CRYAB: variants seen among roughly 807,000 people sequenced by gnomAD.
CRYAB encodes the protein alpha-crystallin B chain.
CRYAB carries 9 observed loss-of-function variants against 12.7 expected under a neutral mutation model. The ratio of observed to expected loss-of-function variants is 0.71; its 90% confidence interval spans 0.43 to 1.24. The LOEUF is 1.24. Among genes scored for constraint, CRYAB ranks in the 50% most tolerant of loss-of-function variants. The pLI is 0.00. For synonymous variants in CRYAB, 93 were observed against 86.8 expected (o/e 1.07, Z -0.40); for missense variants, 183 against 226.6 (o/e 0.81, Z 1.24).
Position 111,908,696 on chromosome 11 carries a change from T to A in CRYAB, c.*68A>T, listed in dbSNP as rs955156505. The stretch of plus-strand genomic sequence containing the variant: ...TAGCATTAATAAGCTTCAGCACTAG[T>A]CACAAGACTTTCATTCACTGGTGGG... On this transcript the variant is annotated 3_prime_UTR_variant, in exon 3 of 3. Transcript: ENST00000650687. 96 of 1,512,376 alleles carry A rather than the reference T, an allele frequency of 6.3e-5. No individual in the cohort carries two copies. In the Admixed American group the frequency reaches 1.6e-3, roughly 25 times the overall value. 93.7% of individuals were successfully genotyped at this position (1,512,376 alleles called of 1,614,324 possible). A position where few individuals can be genotyped will look rare whatever the true frequency, so the allele number is the denominator to read the frequency against.
intron 2 of CRYAB, chr11:111,910,005 GC>G: frequency 1.6e-6 from 1 of 612,224 alleles, no homozygotes. Flanking sequence ...TCTGGAGTAT[GC>G]CCGAGCATTA....
chr11:111,910,875 C>T (rs188986241), intron 1 of CRYAB: 39 of 296,162 alleles, frequency 1.3e-4, no homozygotes, highest in Non-Finnish European at 2.3e-4. Flanking sequence ...CCTTCCAAAG[C>T]CCTTGCCCAC....
At chr11:111,912,111 C>T (rs548739673), upstream of CRYAB, 17 of 263,970 alleles carry the variant, frequency 6.4e-5, no homozygotes, top group Non-Finnish European at 1.3e-4. Context: ...GTGTGCCCCT[C>T]CTCCTCCTTT....
intron 1 of CRYAB, among the ~76,000 whole-genome samples, chr11:111,922,981 C>A (rs1965724530): frequency 6.6e-6 from 1 of 152,164 alleles, no homozygotes; most frequent in South Asian, 2.1e-4. Flanking sequence ...ATACTCACTC[C>A]ATTTGGGTTG....
upstream of CRYAB, among the ~76,000 whole-genome samples, chr11:111,917,612 G>A (rs1426513573): frequency 1.3e-5 from 2 of 149,908 alleles, no homozygotes; most frequent in Non-Finnish European, 3.0e-5. Flanking sequence ...AGACCAGCCT[G>A]GTCCACATAA....
upstream of CRYAB, among the ~76,000 whole-genome samples, chr11:111,915,164 G>T (rs1965578801): frequency 6.6e-6 from 1 of 152,186 alleles, no homozygotes; most frequent in Non-Finnish European, 1.5e-5. Flanking sequence ...AGCTATAGCT[G>T]CTCTTACCAG....
In CRYAB at chr11:111,911,646, A is replaced by T. The variant is rs1555165583; in HGVS notation, c.79T>A (p.Phe27Ile). 6.2e-7 allele frequency: 1 copy of T among 1,611,344 alleles called. No homozygotes were observed. The highest frequency in any genetic ancestry group is 2.2e-5 in the East Asian group (1 of 44,818). Reference sequence around the variant, plus strand: ...GACTCCAACAGGTGCTCTCCGAAGAACTGGTCAAAGAGGCGGCTGGGGGAG... The same window carrying T: ...GACTCCAACAGGTGCTCTCCGAAGATCTGGTCAAAGAGGCGGCTGGGGGAG... ...FHSPSRLFDQFFGEHLLESDL... is the reference protein window; with the variant it reads ...FHSPSRLFDQIFGEHLLESDL... Residue 27 changes from phenylalanine (F) to isoleucine (I), a missense_variant, in exon 1 of 3, where the codon TTC becomes ATC. Phe to Ile is a conservative substitution (Grantham distance 21). This residue lies in a region of CRYAB where 86 missense variants were observed against 96.1 expected (regional missense o/e 0.89). Transcript: ENST00000650687.
chr11:111,918,714 G>C (rs1555166263), intron 1 of CRYAB: 7 of 683,832 alleles, frequency 1.0e-5, no homozygotes, highest in Admixed American at 8.0e-5. Context: ...CAAGTTCATG[G>C]CTTCATCAAA....
intron 2 of CRYAB, 92 bp from the exon 3 acceptor site, chr11:111,909,059 G>A: frequency 2.3e-6 from 3 of 1,296,980 alleles, no homozygotes; most frequent in South Asian, 2.5e-5. Context: ...TTCCCCTTAG[G>A]TGAGACCAAA....
upstream of CRYAB, chr11:111,911,973 G>T: frequency 5.9e-6 from 3 of 509,916 alleles, no homozygotes; most frequent in Non-Finnish European, 1.1e-5. Flanking sequence ...GACTTGTCAT[G>T]GTCTTGTTTC....
upstream of CRYAB, chr11:111,913,043 A>AC (rs1376343824): frequency 3.0e-5 from 20 of 677,130 alleles, no homozygotes; most frequent in East Asian, 2.6e-4. Flanking sequence ...GGGACCAGCC[A>AC]CCCCCCACCC....
chr11:111,914,433 G>C (rs1965565811), upstream of CRYAB, among the ~76,000 whole-genome samples: 3 of 152,204 alleles, frequency 2.0e-5, no homozygotes. Context: ...GGTAGGGGCT[G>C]GGAAAATGGT....
intron 2 of CRYAB, 200 bp from the exon 3 acceptor site, chr11:111,909,167 G>A: frequency 4.5e-6 from 3 of 670,232 alleles, no homozygotes; most frequent in East Asian, 2.9e-5. Context: ...GAGAATCTGA[G>A]AAGTCTGAAA....
At chr11:111,919,095 G>A in intron 1 of CRYAB, 2 of 1,451,054 alleles carry the variant, frequency 1.4e-6, no homozygotes, top group South Asian at 1.2e-5. Context: ...ATAGTTGTCT[G>A]CCAGCCTCCC....
intron 1 of CRYAB, among the ~76,000 whole-genome samples, chr11:111,920,537 T>A (rs151284311): frequency 2.6e-3 from 385 of 149,906 alleles, no homozygotes; most frequent in African/African-American, 8.9e-3. Context: ...GACTATGTCT[T>A]GAAAAAAAAA....
chr11:111,919,427 C>A (rs750347573), intron 1 of CRYAB, among the ~76,000 whole-genome samples: 1 of 151,984 alleles, frequency 6.6e-6, no homozygotes, highest in Non-Finnish European at 1.5e-5. Flanking sequence ...GAGCCGAGAT[C>A]GCGCCACTGC....
intron 1 of CRYAB, chr11:111,910,658 A>G (rs1332162888): frequency 3.1e-6 from 2 of 642,934 alleles, no homozygotes; most frequent in Non-Finnish European, 5.4e-6. Flanking sequence ...GATCAGACCC[A>G]AACTTTATTT....
intron 2 of CRYAB, chr11:111,909,936 A>T (rs1415125630): frequency 7.1e-6 from 4 of 563,146 alleles, no homozygotes; most frequent in Admixed American, 6.3e-5. Flanking sequence ...CCACCCTTAA[A>T]AATGCTGATT....
intron 1 of CRYAB, among the ~76,000 whole-genome samples, chr11:111,921,563 C>T (rs1162481292): frequency 1.3e-5 from 2 of 152,044 alleles, no homozygotes; most frequent in African/African-American, 4.8e-5. Flanking sequence ...AATAAAGCAC[C>T]CTTTAAACTC....
Sources: gnomAD v4.1 joint callset for allele counts (sites outside exome capture counted in the v4.1 genomes callset) on GRCh38, gnomAD v4.1.1 for gene constraint, gnomAD v4.1.1 regional missense constraint, MANE v1.5 for transcripts, NCBI Gene and HGNC (gene_info 2026-07-23, HGNC 2026-07-21) for gene names.